The following ZMAT4 variants were observed in gnomAD, a reference collection of about 807,000 sequenced individuals.
ZMAT4 encodes zinc finger matrin-type protein 4.
ZMAT4 carries 17 observed loss-of-function variants against 28.7 expected under a neutral mutation model. The observed-to-expected ratio is 0.59, with a 90% CI of 0.41 to 0.89. ZMAT4 has a LOEUF of 0.89. ZMAT4 is among the 40% of genes least tolerant of loss of function. ZMAT4 has a pLI of 0.00. For missense variants in ZMAT4, 240 were observed against 283.8 expected, an observed-to-expected ratio of 0.85 and a Z score of 1.11; for synonymous variants, 117 against 109.2, an observed-to-expected ratio of 1.07 and a Z score of -0.44.
rs559698249 is a variant in ZMAT4 at position 40,775,373 on chromosome 8, T to G, written c.103-7643A>C. 9.8e-5 allele frequency among the ~76,000 whole-genome samples: 15 copies of G among 152,328 alleles called. No individual in the cohort carries two copies. In the South Asian group the frequency reaches 3.1e-3, roughly 32 times the overall value. ...AGCAAGGGAGCCCACAGACCAGAGA[T>G]AGTCCTAAGCGGCATTGCCCACAGG... On this transcript the variant is annotated intron_variant, in intron 2 of 6. Coordinates refer to ENST00000297737, the MANE Select transcript of ZMAT4 (RefSeq NM_024645.3).
chr8:40,654,976 G>T (rs1008023249), intron 5 of ZMAT4, among the ~76,000 whole-genome samples: 1 of 151,428 alleles, frequency 6.6e-6, no homozygotes, highest in African/African-American at 2.4e-5. Flanking sequence ...TTAAATAAAA[G>T]GCATCCATAT....
intron 6 of ZMAT4, among the ~76,000 whole-genome samples, chr8:40,575,283 G>A (rs761754013): frequency 6.6e-6 from 1 of 152,032 alleles, no homozygotes; most frequent in East Asian, 1.9e-4. Flanking sequence ...TATGCTATGC[G>A]CCCAGCCAGA....
chr8:40,562,401 C>T (rs942902748), intron 6 of ZMAT4, among the ~76,000 whole-genome samples: 3 of 152,136 alleles, frequency 2.0e-5, no homozygotes, highest in Non-Finnish European at 2.9e-5. Flanking sequence ...CACTGGGTAG[C>T]ACTTTTGACC....
intron 6 of ZMAT4, among the ~76,000 whole-genome samples, chr8:40,552,993 C>A (rs1031794323): frequency 6.6e-6 from 1 of 152,106 alleles, no homozygotes; most frequent in Non-Finnish European, 1.5e-5. Flanking sequence ...TCAAGGTCAT[C>A]GCCAAGGACT....
intron 5 of ZMAT4, among the ~76,000 whole-genome samples, chr8:40,665,727 C>A (rs562765418): frequency 6.6e-6 from 1 of 152,262 alleles, no homozygotes; most frequent in South Asian, 2.1e-4. Context: ...GTTAATTACT[C>A]AGGATTCTGG....
chr8:40,661,987 T>G (rs71519565), intron 5 of ZMAT4, among the ~76,000 whole-genome samples: 1 of 152,082 alleles, frequency 6.6e-6, no homozygotes, highest in Non-Finnish European at 1.5e-5. Context: ...TGTTTGTTTG[T>G]TTGTTTTGAG....
At chr8:40,740,740 C>T (rs187821435) in intron 3 of ZMAT4, among the ~76,000 whole-genome samples, 33 of 152,238 alleles carry the variant, frequency 2.2e-4, no homozygotes, top group Non-Finnish European at 2.8e-4. Context: ...TTTATGGAGC[C>T]TTGTGAAAAA....
At chr8:40,636,339 C>T (rs1340658145) in intron 5 of ZMAT4, among the ~76,000 whole-genome samples, 1 of 152,220 alleles carries the variant, frequency 6.6e-6, no homozygotes, top group Non-Finnish European at 1.5e-5. Flanking sequence ...CAAAAGCTTT[C>T]AGTTTGGAAA....
At chr8:40,834,622 C>A (rs1816411286) in intron 1 of ZMAT4, among the ~76,000 whole-genome samples, 1 of 152,162 alleles carries the variant, frequency 6.6e-6, no homozygotes, top group South Asian at 2.1e-4. Context: ...GGGAAAGGTT[C>A]ACATTCTGGG....
At chr8:40,658,619 TACAC>T (rs3038825) in intron 5 of ZMAT4, among the ~76,000 whole-genome samples, 82,051 of 145,536 alleles carry the variant, frequency 0.56, 23,890 homozygotes, top group Non-Finnish European at 0.65. Context: ...GTTAGACACA[TACAC>T]ACACACACAC....
intron 5 of ZMAT4, among the ~76,000 whole-genome samples, chr8:40,609,309 T>A (rs1481537581): frequency 2.0e-5 from 3 of 152,210 alleles, no homozygotes; most frequent in Non-Finnish European, 4.4e-5. Flanking sequence ...TGTACTTGTG[T>A]CTTTGCAGAT....
rs68106375 is a variant in ZMAT4, at chr8:40,756,457, TAC to T, written c.192+11182_192+11183del. Among the ~76,000 whole-genome samples, 418 of 112,778 alleles carry T rather than the reference TAC, an allele frequency of 3.7e-3. 12 individuals carry two copies. The highest frequency in any genetic ancestry group is 8.7e-3 in the East Asian group (34 of 3,886). The allele number at this position is 112,778 out of a possible 152,430, so 74.0% of individuals were successfully genotyped here. A position where few individuals can be genotyped will look rare whatever the true frequency, so the allele number is the denominator to read the frequency against. On this transcript the variant is annotated intron_variant, in intron 3 of 6. Coordinates refer to ENST00000297737, the MANE Select transcript of ZMAT4 (RefSeq NM_024645.3). ...ATATATATATATATATATATATATATACACACTTGTATACCTGAAAAAGAGAT... is the reference window on the plus strand; with the variant it reads ...ATATATATATATATATATATATATATACACTTGTATACCTGAAAAAGAGAT...
intron 1 of ZMAT4, among the ~76,000 whole-genome samples, chr8:40,866,844 A>C (rs1015537169): frequency 6.6e-6 from 1 of 152,232 alleles, no homozygotes; most frequent in Admixed American, 6.5e-5. Context: ...TGCATGCAAC[A>C]TGTGAACATA....
At chr8:40,600,370 C>T (rs562743426) in intron 5 of ZMAT4, among the ~76,000 whole-genome samples, 3 of 152,330 alleles carry the variant, frequency 2.0e-5, no homozygotes, top group Admixed American at 2.0e-4. Flanking sequence ...CTGGCATGAG[C>T]CATGCTGACT....
chr8:40,886,947 A>G (rs1818473054), intron 1 of ZMAT4, among the ~76,000 whole-genome samples: 1 of 152,124 alleles, frequency 6.6e-6, no homozygotes, highest in Non-Finnish European at 1.5e-5. Flanking sequence ...CAAGGCGGGC[A>G]GAACACGAGG....
chr8:40,578,620 A>G (rs1410877990), intron 6 of ZMAT4, among the ~76,000 whole-genome samples: 3 of 152,094 alleles, frequency 2.0e-5, no homozygotes, highest in Admixed American at 1.3e-4. Context: ...CTCTCTTTCA[A>G]TCTCAATCTT....
At chr8:40,857,523 A>G (rs1563530983) in intron 1 of ZMAT4, among the ~76,000 whole-genome samples, 1 of 152,242 alleles carries the variant, frequency 6.6e-6, no homozygotes, top group Non-Finnish European at 1.5e-5. Context: ...CTGACAATAC[A>G]TAGTGCTGGG....
intron 6 of ZMAT4, among the ~76,000 whole-genome samples, chr8:40,557,434 T>G (rs1305327896): frequency 1.3e-5 from 2 of 152,200 alleles, no homozygotes; most frequent in Admixed American, 6.5e-5. Flanking sequence ...TCTAGTACTA[T>G]TTTAAAGATT....
chr8:40,823,716 T>TGTGC (rs1815918211), intron 2 of ZMAT4, among the ~76,000 whole-genome samples: 1 of 91,904 alleles, frequency 1.1e-5, no homozygotes, highest in Admixed American at 9.4e-5. Context: ...CGTGTGTGTG[T>TGTGC]GTGCGTGTGT....
Sources: gnomAD v4.1 joint callset for allele counts (sites outside exome capture counted in the v4.1 genomes callset) on GRCh38, gnomAD v4.1.1 for gene constraint, MANE v1.5 for transcripts, NCBI Gene and HGNC (gene_info 2026-07-23, HGNC 2026-07-21) for gene names.